The following COMMD6 variants were observed in gnomAD, a reference collection of about 807,000 sequenced individuals.
COMMD6 encodes COMM domain-containing protein 6.
In COMMD6, 11 loss-of-function variants were observed where a neutral mutation model predicts 13.4. The ratio of observed to expected loss-of-function variants is 0.82; its 90% confidence interval spans 0.52 to 1.36. The LOEUF (loss-of-function observed/expected upper bound fraction) is 1.36, where lower values mean the gene tolerates loss of function less well. Ranked by LOEUF, COMMD6 falls within the 40% of genes most tolerant of loss-of-function variation. The pLI, the probability that COMMD6 is intolerant of heterozygous loss-of-function variation, is 0.00. For synonymous variants in COMMD6, 43 were observed against 36.5 expected (o/e 1.18, Z -0.64); for missense variants, 124 against 102.4 (o/e 1.21, Z -0.91).
intron 2 of COMMD6, among the ~76,000 whole-genome samples, chr13:75,535,535 C>A (rs1251512715): frequency 6.6e-6 from 1 of 152,190 alleles, no homozygotes; most frequent in Admixed American, 6.5e-5. Flanking sequence ...AAACAATATG[C>A]TGATCTGATT....
upstream of COMMD6, among the ~76,000 whole-genome samples, chr13:75,540,767 CAT>C (rs2030815599): frequency 6.6e-6 from 1 of 152,080 alleles, no homozygotes; most frequent in African/African-American, 2.4e-5. Context: ...ATAAGTAGAA[CAT>C]ATGTCAGAAA....
intron 3 of COMMD6, chr13:75,529,880 G>T (rs2030408692): frequency 2.3e-6 from 1 of 429,398 alleles, no homozygotes; most frequent in Non-Finnish European, 4.1e-6. Context: ...GAGGAGTACT[G>T]TTCAAGCGAT....
intron 2 of COMMD6, chr13:75,530,534 A>G (rs9600487): frequency 0.2 from 47,499 of 242,000 alleles, 5,150 homozygotes; most frequent in South Asian, 0.31. Flanking sequence ...CCTCCAATGT[A>G]TAACGGAAGT....
intron 3 of COMMD6, 166 bp downstream of exon 3, chr13:75,529,948 C>A: frequency 1.8e-6 from 1 of 556,446 alleles, no homozygotes; most frequent in Non-Finnish European, 3.1e-6. Flanking sequence ...ATCAAATTCC[C>A]AAAGAAGACA....
At chr13:75,531,832 T>C (rs2030488856) in intron 2 of COMMD6, among the ~76,000 whole-genome samples, 1 of 152,206 alleles carries the variant, frequency 6.6e-6, no homozygotes, top group African/African-American at 2.4e-5. Flanking sequence ...CTGCATACTG[T>C]GATCCAAATT....
intron 1 of COMMD6, among the ~76,000 whole-genome samples, chr13:75,547,677 A>C (rs1005405130): frequency 6.6e-6 from 1 of 152,190 alleles, no homozygotes; most frequent in Non-Finnish European, 1.5e-5. Flanking sequence ...AAACCATATA[A>C]ACCAGACGGT....
chr13:75,547,249 G>A (rs1307169994), intron 1 of COMMD6, among the ~76,000 whole-genome samples: 1 of 151,886 alleles, frequency 6.6e-6, no homozygotes, highest in South Asian at 2.1e-4. Context: ...GAGGACTCTC[G>A]TTTCCAGTAT....
Position 75,544,937 on chromosome 13 carries a change from A to AAAAAAC in COMMD6, n.106+4380_106+4385dup, listed in dbSNP as rs1306096295. On this transcript the variant is annotated intron_variant and non_coding_transcript_variant, in intron 1 of 2. Coordinates refer to the COMMD6 transcript ENST00000460675. ...CAAGACTCTGTCTCCAAAAAAAAAA[A>AAAAAAC]AAAAACAAAAAACAAGACTTAAGTA... Among the ~76,000 whole-genome samples, 119 of 151,016 alleles carry AAAAAAC rather than the reference A, an allele frequency of 7.9e-4. No individual in the cohort carries two copies. The South Asian group carries it at 8.8e-3, about 11-fold the overall frequency.
In COMMD6 at chr13:75,537,352, CT is replaced by C. The variant is rs1295878619; in HGVS notation, c.54+311del. 4 of 1,550,534 alleles carry C rather than the reference CT, an allele frequency of 2.6e-6. No individual in the cohort carries two copies. In the East Asian group the frequency reaches 9.8e-5, roughly 38 times the overall value. On this transcript the variant is annotated intron_variant, in intron 2 of 3. Transcript: ENST00000682242. ...TGCGGTGCTATCTCTGCAAATTTTC[CT>C]AACTTCTTTATCCAACACTTTAAAA...
intron 2 of COMMD6, chr13:75,537,454 T>C: frequency 6.4e-7 from 1 of 1,551,556 alleles, no homozygotes; most frequent in Non-Finnish European, 8.7e-7. Context: ...TTCGGGCTAG[T>C]GCAGGGTGGG....
chr13:75,544,009 T>C (rs1016317219), intron 1 of COMMD6, among the ~76,000 whole-genome samples: 9 of 152,152 alleles, frequency 5.9e-5, no homozygotes, highest in African/African-American at 2.2e-4. Flanking sequence ...TGACTCCCAG[T>C]GTATCTGCTG....
At chr13:75,538,004 T>G (rs2030745919), upstream of COMMD6, 2 of 479,980 alleles carry the variant, frequency 4.2e-6, no homozygotes, top group Admixed American at 7.8e-5. Context: ...AGAAAATTAT[T>G]TTATGGAAAA....
At chr13:75,533,813 C>T (rs1441449629) in intron 2 of COMMD6, among the ~76,000 whole-genome samples, 1 of 151,892 alleles carries the variant, frequency 6.6e-6, no homozygotes, top group African/African-American at 2.4e-5. Flanking sequence ...GTATCCAGTC[C>T]AAAAGTATCA....
chr13:75,549,092 GC>G (rs1278854187), intron 1 of COMMD6, among the ~76,000 whole-genome samples: 4 of 152,228 alleles, frequency 2.6e-5, no homozygotes, highest in Non-Finnish European at 5.9e-5. Flanking sequence ...CACACTTCAT[GC>G]CATCACTATC....
At chr13:75,542,632 C>A (rs185750526), upstream of COMMD6, among the ~76,000 whole-genome samples, 86 of 152,240 alleles carry the variant, frequency 5.6e-4, no homozygotes, top group African/African-American at 1.8e-3. Flanking sequence ...ATGATTCTTA[C>A]AATTTTCACA....
intron 2 of COMMD6, among the ~76,000 whole-genome samples, chr13:75,532,811 C>T (rs538825585): frequency 6.6e-6 from 1 of 152,274 alleles, no homozygotes; most frequent in Admixed American, 6.5e-5. Flanking sequence ...GCAAATTGAG[C>T]TTTCAGAGGT....
intron 1 of COMMD6, among the ~76,000 whole-genome samples, chr13:75,544,561 G>A (rs956833529): frequency 2.0e-5 from 3 of 151,954 alleles, no homozygotes; most frequent in Non-Finnish European, 2.9e-5. Context: ...TCAGGAGTTC[G>A]AGACCAACCT....
intron 2 of COMMD6, among the ~76,000 whole-genome samples, chr13:75,533,906 T>G (rs1180212760): frequency 6.6e-6 from 1 of 152,098 alleles, no homozygotes; most frequent in East Asian, 1.9e-4. Flanking sequence ...GGAGAGTTCA[T>G]GAGTAGAGAG....
At position 75,526,503 on chromosome 13, in the gene COMMD6, A is replaced by G. The variant is rs1050235; in HGVS notation, c.*86T>C. The G allele has an allele frequency of 0.13, 111,553 of 891,002 alleles. 8,323 individuals carry two copies. The highest frequency in any genetic ancestry group is 0.15 in the Non-Finnish European group (86,816 of 570,870). The allele number at this position is 891,002 out of a possible 1,614,324, so 55.2% of individuals were successfully genotyped here. A position where few individuals can be genotyped will look rare whatever the true frequency, so the allele number is the denominator to read the frequency against. On this transcript the variant is annotated 3_prime_UTR_variant, in exon 4 of 4. Transcript: ENST00000682242. ...CAAAAGTGCATTTTTCATTCAATAA[A>G]TGTTCCATCCTTATTTAGTTTTGTT...
Sources: gnomAD v4.1 joint callset for allele counts (sites outside exome capture counted in the v4.1 genomes callset) on GRCh38, gnomAD v4.1.1 for gene constraint, MANE v1.5 for transcripts, NCBI Gene and HGNC (gene_info 2026-07-23, HGNC 2026-07-21) for gene names.